The following WDFY4 variants were observed in gnomAD, a reference collection of about 807,000 sequenced individuals.
The protein encoded by WDFY4 is WD repeat- and FYVE domain-containing protein 4.
WDFY4 carries 169 observed loss-of-function variants against 351.9 expected under a neutral mutation model. The ratio of observed to expected loss-of-function variants is 0.48; its 90% CI spans 0.42 to 0.55. WDFY4 has a LOEUF of 0.55. Ranked by LOEUF, WDFY4 falls within the 20% of genes least tolerant of loss-of-function variation. WDFY4 has a pLI of 0.00. For missense variants in WDFY4, 3,803 were observed against 3,935.6 expected, an observed-to-expected ratio of 0.97 and a Z score of 0.90; for synonymous variants, 1,622 against 1,574.6, an observed-to-expected ratio of 1.03 and a Z score of -0.71.
chr10:48,759,215 C>T (rs756884772), intron 12 of WDFY4, among the ~76,000 whole-genome samples: 1 of 152,128 alleles, frequency 6.6e-6, no homozygotes, highest in Non-Finnish European at 1.5e-5. Context: ...GGTGGTTTAC[C>T]TCCTAGTTAG....
At chr10:48,959,458 G>A (rs145669129) in intron 52 of WDFY4, among the ~76,000 whole-genome samples, 12 of 152,294 alleles carry the variant, frequency 7.9e-5, no homozygotes, top group Non-Finnish European at 1.5e-4. Context: ...TGATGACACT[G>A]AAATCATTTC....
At chr10:48,800,734 T>C (rs533932135) in intron 24 of WDFY4, among the ~76,000 whole-genome samples, 82 of 126,838 alleles carry the variant, frequency 6.5e-4, no homozygotes, top group East Asian at 4.3e-3. Flanking sequence ...TTCTTTCTTT[T>C]TTTTTTTTTT....
chr10:48,873,805 C>A, intron 41 of WDFY4, 108 bp downstream of exon 41: 4 of 1,274,484 alleles, frequency 3.1e-6, no homozygotes, highest in Non-Finnish European at 3.2e-6. Context: ...TAAGATAACA[C>A]ATGCAGTTAA....
chr10:48,879,237 C>A (rs953026993), intron 43 of WDFY4, among the ~76,000 whole-genome samples: 1 of 152,206 alleles, frequency 6.6e-6, no homozygotes, highest in Non-Finnish European at 1.5e-5. Context: ...CACAAGGAAC[C>A]CTTGCCAATG....
intron 51 of WDFY4, among the ~76,000 whole-genome samples, chr10:48,952,622 C>A (rs187977569): frequency 1.3e-5 from 2 of 152,244 alleles, no homozygotes; most frequent in South Asian, 2.1e-4. Context: ...AAAGGAGATA[C>A]GACATGAGCC....
chr10:48,858,086 G>A (rs1043181759), intron 39 of WDFY4, among the ~76,000 whole-genome samples: 9 of 152,104 alleles, frequency 5.9e-5, no homozygotes, highest in African/African-American at 1.9e-4. Flanking sequence ...GAGCCACCAC[G>A]CCCAGCCTAC....
intron 39 of WDFY4, among the ~76,000 whole-genome samples, chr10:48,833,440 G>GGA (rs923966090): frequency 6.6e-6 from 1 of 151,956 alleles, no homozygotes; most frequent in Non-Finnish European, 1.5e-5. Context: ...AAAAGATAAT[G>GGA]GAGAGAGAGA....
intron 19 of WDFY4, among the ~76,000 whole-genome samples, chr10:48,781,162 A>T (rs1374959885): frequency 6.6e-6 from 1 of 152,108 alleles, no homozygotes; most frequent in African/African-American, 2.4e-5. Flanking sequence ...ATATAGGTGA[A>T]TTTGATACCA....
chr10:48,913,427 G>A (rs147406722), intron 47 of WDFY4: 285 of 1,612,936 alleles, frequency 1.8e-4, no homozygotes, highest in Non-Finnish European at 2.1e-4. Context: ...CCATGGAATT[G>A]GGTGAGATCA....
intron 47 of WDFY4, chr10:48,913,721 C>A: frequency 1.2e-6 from 2 of 1,612,922 alleles, no homozygotes; most frequent in Non-Finnish European, 1.7e-6. Flanking sequence ...CCTCGTGGAG[C>A]TCCTTCAGGG....
intron 61 of WDFY4, among the ~76,000 whole-genome samples, chr10:48,981,694 A>T (rs2131895044): frequency 6.6e-6 from 1 of 152,326 alleles, no homozygotes; most frequent in Admixed American, 6.5e-5. Flanking sequence ...CTTTTAACTC[A>T]CACATGCCCT....
chr10:48,917,319 G>C (rs1186607359), intron 47 of WDFY4, among the ~76,000 whole-genome samples: 2 of 152,076 alleles, frequency 1.3e-5, no homozygotes, highest in African/African-American at 4.8e-5. Context: ...AAACAGTTGT[G>C]GTGCAGAAAA....
chr10:48,953,123 A>G (rs894881463), intron 51 of WDFY4, among the ~76,000 whole-genome samples: 3 of 151,778 alleles, frequency 2.0e-5, no homozygotes, highest in Non-Finnish European at 4.4e-5. Context: ...CCTACCTTCC[A>G]TAACTTCTAT....
intron 42 of WDFY4, among the ~76,000 whole-genome samples, chr10:48,875,394 A>G (rs923326012): frequency 2.0e-5 from 3 of 152,222 alleles, no homozygotes; most frequent in Non-Finnish European, 2.9e-5. Flanking sequence ...TCAATTTGCT[A>G]TATCAGGGAG....
At chr10:48,842,355 G>T (rs926924970) in intron 39 of WDFY4, among the ~76,000 whole-genome samples, 3 of 151,996 alleles carry the variant, frequency 2.0e-5, no homozygotes, top group African/African-American at 7.2e-5. Flanking sequence ...AAACCAGCTG[G>T]TCTGCGACAA....
Position 48,963,730 on chromosome 10 carries a change from C to T in WDFY4, c.8224-112C>T, listed in dbSNP as rs1030029406. 20 of 1,196,962 alleles carry T rather than the reference C, an allele frequency of 1.7e-5. No homozygotes were observed. The East Asian group carries it at 5.1e-4, about 31-fold the overall frequency. 74.1% of individuals were successfully genotyped at this position (1,196,962 alleles called of 1,614,324 possible). A position where few individuals can be genotyped will look rare whatever the true frequency, so the allele number is the denominator to read the frequency against. The stretch of plus-strand genomic sequence containing the variant: ...TCAAGCCCAGGGGCTCATCAATTAT[C>T]TCCTCTGTGCAGGGCCAGCACTCTG... On this transcript the variant is annotated intron_variant, in intron 53 of 61. Coordinates refer to ENST00000325239, the MANE Select transcript of WDFY4 (RefSeq NM_001394531.1).
At chr10:48,885,517 A>G (rs1476506284) in intron 43 of WDFY4, among the ~76,000 whole-genome samples, 1 of 152,182 alleles carries the variant, frequency 6.6e-6, no homozygotes, top group African/African-American at 2.4e-5. Context: ...ATGTCTGCAG[A>G]GAAAGATTGG....
chr10:48,948,343 A>G (rs941373935), intron 51 of WDFY4, among the ~76,000 whole-genome samples: 2 of 152,266 alleles, frequency 1.3e-5, no homozygotes, highest in South Asian at 2.1e-4. Flanking sequence ...ACCCCATGCC[A>G]GGAATCCCAT....
intron 51 of WDFY4, among the ~76,000 whole-genome samples, chr10:48,954,280 T>C (rs1175566194): frequency 6.6e-6 from 1 of 152,254 alleles, no homozygotes; most frequent in East Asian, 1.9e-4. Context: ...CTGGCTCCAT[T>C]GTCTTCTGGC....
Sources: allele counts gnomAD v4.1 joint callset (sites outside exome capture counted in the v4.1 genomes callset), GRCh38; gene constraint gnomAD v4.1.1; transcripts MANE v1.5; gene names NCBI Gene and HGNC (gene_info 2026-07-23, HGNC 2026-07-21).